ARSB: variants seen among roughly 807,000 people sequenced by gnomAD.
The protein encoded by ARSB is N-acetylgalactosamine-4-sulfatase.
Under a neutral mutation model 50.9 loss-of-function variants are expected in ARSB, and 41 were observed. That is an observed-to-expected ratio of 0.81 (90% confidence interval 0.63 to 1.04). The LOEUF is 1.04. Among genes scored for constraint, ARSB ranks in the 50% least tolerant of loss-of-function variants. ARSB has a pLI of 0.00. For missense variants in ARSB, 672 were observed against 693.3 expected (o/e 0.97, Z 0.35); for synonymous variants, 269 against 284.8 (o/e 0.94, Z 0.56).
intron 4 of ARSB, among the ~76,000 whole-genome samples, chr5:78,904,677 CT>C (rs1748958896): frequency 1.0e-5 from 1 of 95,876 alleles, no homozygotes; most frequent in African/African-American, 3.4e-5. Flanking sequence ...TCTTTCTTTT[CT>C]TTCTTTCTTT....
At chr5:78,942,939 A>G (rs1250502682) in intron 4 of ARSB, among the ~76,000 whole-genome samples, 1 of 152,058 alleles carries the variant, frequency 6.6e-6, no homozygotes, top group Non-Finnish European at 1.5e-5. Context: ...GTCTCTAAGG[A>G]CTTGCTTTAT....
intron 1 of ARSB, among the ~76,000 whole-genome samples, chr5:78,975,422 T>A (rs1252877364): frequency 6.6e-6 from 1 of 152,192 alleles, no homozygotes; most frequent in Non-Finnish European, 1.5e-5. Flanking sequence ...CAGGGGTGAG[T>A]GAAAAGCCGT....
intron 1 of ARSB, among the ~76,000 whole-genome samples, chr5:78,979,799 T>C (rs1752820898): frequency 6.6e-6 from 1 of 152,156 alleles, no homozygotes; most frequent in South Asian, 2.1e-4. Flanking sequence ...CTCCTACATA[T>C]TAACCCAAAA....
At chr5:78,829,357 G>C (rs1733205609) in intron 6 of ARSB, among the ~76,000 whole-genome samples, 1 of 152,204 alleles carries the variant, frequency 6.6e-6, no homozygotes, top group Admixed American at 6.5e-5. Flanking sequence ...TAAAGTTGTT[G>C]AAGTAATGGA....
At chr5:78,838,236 C>G (rs1425580174) in intron 6 of ARSB, among the ~76,000 whole-genome samples, 1 of 152,096 alleles carries the variant, frequency 6.6e-6, no homozygotes, top group Admixed American at 6.5e-5. Context: ...AAAGCATTCA[C>G]AGAGGGAGAC....
chr5:78,851,640 G>A (rs1424351687), intron 5 of ARSB, among the ~76,000 whole-genome samples: 1 of 152,176 alleles, frequency 6.6e-6, no homozygotes, highest in Non-Finnish European at 1.5e-5. Flanking sequence ...TCATTGATCT[G>A]TTTAATGTTG....
chr5:78,840,147 G>T (rs1745138705), intron 5 of ARSB, among the ~76,000 whole-genome samples: 3 of 152,324 alleles, frequency 2.0e-5, no homozygotes, highest in Admixed American at 2.0e-4. Context: ...ATCACCAGAT[G>T]TATGTAGGGA....
chr5:78,848,237 T>G, intron 5 of ARSB, among the ~76,000 whole-genome samples: 1 of 73,132 alleles, frequency 1.4e-5, no homozygotes. Context: ...CCCACAACAC[T>G]CCCCAGAGTG....
intron 6 of ARSB, among the ~76,000 whole-genome samples, chr5:78,813,112 T>C (rs1346124406): frequency 6.6e-6 from 1 of 152,186 alleles, no homozygotes; most frequent in East Asian, 1.9e-4. Flanking sequence ...TCACCCAGGC[T>C]GGAGTGCAGT....
At chr5:78,806,821 T>C (rs59339588) in intron 6 of ARSB, among the ~76,000 whole-genome samples, 2 of 151,870 alleles carry the variant, frequency 1.3e-5, no homozygotes, top group African/African-American at 2.4e-5. Flanking sequence ...ACCACCGGAA[T>C]GTGCCATGTG....
intron 5 of ARSB, among the ~76,000 whole-genome samples, chr5:78,850,806 T>C (rs1339752583): frequency 1.3e-5 from 2 of 152,108 alleles, no homozygotes; most frequent in Non-Finnish European, 2.9e-5. Context: ...ACGTATCCAG[T>C]AATTTATCCG....
At chr5:78,863,974 AT>A (rs1746580980) in intron 5 of ARSB, among the ~76,000 whole-genome samples, 1 of 151,896 alleles carries the variant, frequency 6.6e-6, no homozygotes, top group Non-Finnish European at 1.5e-5. Flanking sequence ...CCCTTCATAC[AT>A]TCTCTTTAAA....
At chr5:78,838,561 C>T (rs922164139) in intron 6 of ARSB, among the ~76,000 whole-genome samples, 2 of 152,154 alleles carry the variant, frequency 1.3e-5, no homozygotes, top group African/African-American at 4.8e-5. Flanking sequence ...ACTAAGTGGG[C>T]AGCAGTATGT....
chr5:78,910,417 G>T (rs1029142702), intron 4 of ARSB, among the ~76,000 whole-genome samples: 1 of 152,192 alleles, frequency 6.6e-6, no homozygotes, highest in Non-Finnish European at 1.5e-5. Context: ...AAATGAAGAA[G>T]TAGAAATTAA....
At chr5:78,979,342 T>C (rs2112562991) in intron 1 of ARSB, among the ~76,000 whole-genome samples, 1 of 152,300 alleles carries the variant, frequency 6.6e-6, no homozygotes, top group African/African-American at 2.4e-5. Flanking sequence ...TAATGACAAG[T>C]GTTGGCAAGG....
intron 5 of ARSB, among the ~76,000 whole-genome samples, chr5:78,855,848 T>C (rs576094896): frequency 4.6e-5 from 7 of 152,310 alleles, no homozygotes; most frequent in South Asian, 2.1e-4. Context: ...CTGCTTCCAA[T>C]TGGGGTTAGG....
At chr5:78,872,253 T>C (rs1222859624) in intron 5 of ARSB, among the ~76,000 whole-genome samples, 1 of 151,662 alleles carries the variant, frequency 6.6e-6, no homozygotes, top group African/African-American at 2.4e-5. Flanking sequence ...TGGAAGTCAG[T>C]GTGGCGATTC....
chr5:78,802,408 T>C (rs1306135268), intron 6 of ARSB, among the ~76,000 whole-genome samples: 2 of 151,736 alleles, frequency 1.3e-5, no homozygotes, highest in Admixed American at 1.3e-4. Context: ...ATGACTCTTG[T>C]TCACCAGTGT....
intron 6 of ARSB, among the ~76,000 whole-genome samples, chr5:78,803,675 T>C (rs953965244): frequency 2.6e-5 from 4 of 152,244 alleles, no homozygotes; most frequent in Non-Finnish European, 4.4e-5. Flanking sequence ...GCTTCCCTGC[T>C]CAGGCTGCTT....
Sources: allele counts gnomAD v4.1 joint callset (sites outside exome capture counted in the v4.1 genomes callset), GRCh38; gene constraint gnomAD v4.1.1; transcripts MANE v1.5; gene names NCBI Gene and HGNC (gene_info 2026-07-23, HGNC 2026-07-21).